The following TPTE2 variants were observed in gnomAD, a reference collection of about 807,000 sequenced individuals.
The protein encoded by TPTE2 is transmembrane phosphoinositide 3-phosphatase and tensin homolog 2.
Under a neutral mutation model 78.6 loss-of-function variants are expected in TPTE2, and 53 were observed. The observed-to-expected ratio is 0.67, with a 90% confidence interval of 0.54 to 0.85. The LOEUF (loss-of-function observed/expected upper bound fraction) is 0.85, where lower values mean the gene tolerates loss of function less well. Among genes scored for constraint, TPTE2 ranks in the 40% least tolerant of loss-of-function variants. The probability of loss-of-function intolerance (pLI) is 0.00; values close to 1 mark genes in which losing one functional copy is unlikely to be tolerated. For missense variants in TPTE2, 461 were observed against 623.0 expected (o/e 0.74, Z 2.77); for synonymous variants, 175 against 206.2 (o/e 0.85, Z 1.30).
chr13:19,450,688 G>C (rs1239559867), intron 11 of TPTE2, among the ~76,000 whole-genome samples: 1 of 152,142 alleles, frequency 6.6e-6, no homozygotes, highest in Non-Finnish European at 1.5e-5. Context: ...TGTCTATTGA[G>C]TATACAGGTA....
rs1243642762 is a variant in TPTE2 at position 19,528,249 on chromosome 13, T to C, written c.-44+8347A>G. ...AAAAATATAAAAAATTAGCTGGGCG[T>C]GGTGACAGACACCTGTAATCCCAGC... On this transcript the variant is annotated intron_variant, in intron 1 of 17. Transcript: ENST00000390680. Among the ~76,000 whole-genome samples the C allele has an allele frequency of 5.3e-5, 8 of 151,846 alleles. No homozygotes were observed. The East Asian group carries it at 1.6e-3, about 29-fold the overall frequency.
upstream of TPTE2, among the ~76,000 whole-genome samples, chr13:19,503,901 C>T (rs577784485): frequency 8.5e-5 from 13 of 152,144 alleles, no homozygotes; most frequent in East Asian, 7.8e-4. Flanking sequence ...CCACCACGCC[C>T]GGCTAATTTT....
the TPTE2 span, among the ~76,000 whole-genome samples, chr13:19,542,395 CT>C: frequency 6.6e-6 from 1 of 152,026 alleles, no homozygotes; most frequent in African/African-American, 2.4e-5. Context: ...TAAAACTTAG[CT>C]TTTTTAAAAA....
intron 13 of TPTE2, among the ~76,000 whole-genome samples, chr13:19,442,712 T>C (rs1877574711): frequency 6.6e-6 from 1 of 151,816 alleles, no homozygotes. Context: ...GAAAGCAATG[T>C]CGGGAATAAA....
At chr13:19,531,091 C>T (rs1339947349) in intron 1 of TPTE2, among the ~76,000 whole-genome samples, 1 of 152,154 alleles carries the variant, frequency 6.6e-6, no homozygotes, top group Non-Finnish European at 1.5e-5. Context: ...TAAGTGGATT[C>T]ATATAATATT....
intron 13 of TPTE2, among the ~76,000 whole-genome samples, chr13:19,448,641 C>T (rs145059832): frequency 0.025 from 3,730 of 148,654 alleles, 65 homozygotes; most frequent in Middle Eastern, 0.053. Context: ...TTAGGATGGT[C>T]ATTAACAAAA....
At chr13:19,545,987 G>T in the TPTE2 span, among the ~76,000 whole-genome samples, 11 of 152,158 alleles carry the variant, frequency 7.2e-5, no homozygotes, top group Non-Finnish European at 1.5e-4. Context: ...AGACCAGCCT[G>T]AGCAACAAAG....
intron 6 of TPTE2, among the ~76,000 whole-genome samples, chr13:19,467,950 C>CTG (rs1431264354): frequency 1.4e-5 from 2 of 141,394 alleles, no homozygotes; most frequent in African/African-American, 5.3e-5. Flanking sequence ...GTTTATCCTT[C>CTG]TGTGCCTGGC....
At position 19,426,405 on chromosome 13, in the gene TPTE2, G is replaced by A. The variant is rs1342541109; in HGVS notation, c.1395+20C>T. On this transcript the variant is annotated intron_variant, in intron 18 of 19. Coordinates refer to ENST00000400230, the Ensembl canonical transcript of TPTE2. ...AGACCAGACAAGAACAATGGCAGAG[G>A]CTATTTTGTGATTACTCACCGAAGA... 3 of 1,539,594 alleles carry A rather than the reference G, an allele frequency of 1.9e-6. No homozygotes were observed. The highest frequency in any genetic ancestry group is 1.4e-5 in the African/African-American group (1 of 74,012).
chr13:19,522,619 C>CTTTTTTTTTTTTTTT (rs57248346), intron 1 of TPTE2, among the ~76,000 whole-genome samples: 52 of 121,648 alleles, frequency 4.3e-4, no homozygotes, highest in Non-Finnish European at 6.9e-4. Context: ...CTTTTTTTTT[C>CTTTTTTTTTTTTTTT]TTTTTTTTTT....
At chr13:19,453,036 T>C (rs1262119589) in intron 10 of TPTE2, among the ~76,000 whole-genome samples, 24 of 130,352 alleles carry the variant, frequency 1.8e-4, no homozygotes, top group African/African-American at 6.3e-4. Context: ...TTTTATTTTA[T>C]TTTATTTTGA....
the TPTE2 span, among the ~76,000 whole-genome samples, chr13:19,558,542 T>C: frequency 2.0e-5 from 3 of 152,246 alleles, no homozygotes; most frequent in Non-Finnish European, 4.4e-5. Flanking sequence ...TAGAATCTGT[T>C]AGAGTTGTCG....
At chr13:19,549,139 G>A in the TPTE2 span, among the ~76,000 whole-genome samples, 1 of 146,542 alleles carries the variant, frequency 6.8e-6, no homozygotes, top group Non-Finnish European at 1.5e-5. Flanking sequence ...AAAAGCAACT[G>A]TAATAAAAAT....
At chr13:19,424,524 T>C (rs1875871585) in intron 19 of TPTE2, among the ~76,000 whole-genome samples, 1 of 152,216 alleles carries the variant, frequency 6.6e-6, no homozygotes, top group African/African-American at 2.4e-5. Flanking sequence ...CGTCAGCTTT[T>C]CAGCTAGCTG....
intron 17 of TPTE2, among the ~76,000 whole-genome samples, chr13:19,428,650 G>C (rs1876325814): frequency 6.6e-6 from 1 of 151,756 alleles, no homozygotes; most frequent in East Asian, 1.9e-4. Flanking sequence ...GATTGCTTGA[G>C]CTCAGGAGGT....
At chr13:19,439,497 A>C (rs977248073) in intron 13 of TPTE2, among the ~76,000 whole-genome samples, 1 of 152,224 alleles carries the variant, frequency 6.6e-6, no homozygotes, top group African/African-American at 2.4e-5. Context: ...TACACAAATT[A>C]GAAGTGCTAG....
the TPTE2 span, among the ~76,000 whole-genome samples, chr13:19,549,910 C>A: frequency 1.0e-5 from 1 of 98,352 alleles, no homozygotes; most frequent in Non-Finnish European, 2.5e-5. Flanking sequence ...AACAGAAAAC[C>A]AAATACTGCA....
intron 4 of TPTE2, among the ~76,000 whole-genome samples, chr13:19,477,252 T>A (rs1013176465): frequency 1.3e-5 from 2 of 151,468 alleles, no homozygotes; most frequent in African/African-American, 2.4e-5. Flanking sequence ...AAAAGATAAC[T>A]ATTTGAGTAC....
At chr13:19,423,321 T>C (rs1875747782) in intron 19 of TPTE2, among the ~76,000 whole-genome samples, 157 bp from the exon 23 acceptor site, 1 of 152,192 alleles carries the variant, frequency 6.6e-6, no homozygotes, top group African/African-American at 2.4e-5. Context: ...CTTCCACCTT[T>C]TTAGTGAGAC....
Sources: allele counts gnomAD v4.1 joint callset (sites outside exome capture counted in the v4.1 genomes callset), GRCh38; gene constraint gnomAD v4.1.1; transcripts MANE v1.5; gene names NCBI Gene and HGNC (gene_info 2026-07-23, HGNC 2026-07-21).